Variants in CSMD1 observed in about 807,000 individuals in gnomAD.
The protein encoded by CSMD1 is CUB and Sushi multiple domains 1.
Under a neutral mutation model 417.5 loss-of-function variants are expected in CSMD1, and 213 were observed. That is an observed-to-expected ratio of 0.51 (90% CI 0.46 to 0.57). The LOEUF (loss-of-function observed/expected upper bound fraction) is 0.57. Among genes scored for constraint, CSMD1 ranks in the 20% least tolerant of loss-of-function variants. The pLI, the probability that CSMD1 is intolerant of heterozygous loss-of-function variation, is 0.00. For synonymous variants in CSMD1, 2,862 were observed against 1,736.8 expected (o/e 1.65, Z -16.11); for missense variants, 6,923 against 4,529.7 (o/e 1.53, Z -15.17).
intron 3 of CSMD1, among the ~76,000 whole-genome samples, chr8:4,109,937 T>A (rs1801764620): frequency 6.6e-6 from 1 of 152,148 alleles, no homozygotes; most frequent in South Asian, 2.1e-4. Flanking sequence ...AATAAGATCA[T>A]GACAATTTGG....
intron 47 of CSMD1, among the ~76,000 whole-genome samples, chr8:3,094,184 C>A (rs1477362823): frequency 6.6e-6 from 1 of 151,958 alleles, no homozygotes; most frequent in Non-Finnish European, 1.5e-5. Context: ...CGGCTCTCTG[C>A]AACCTTTGCC....
chr8:3,308,362 C>G lies in CSMD1; in HGVS notation c.3773G>C (p.Cys1258Ser). Residue 1258 changes from cysteine (C) to serine (S), a missense_variant, in exon 24 of 70, where the codon TGT (cysteine) becomes TCT (serine). Physicochemically the swap from Cys to Ser is moderately radical, Grantham distance 112 (BLOSUM62 -1). Transcript: ENST00000635120. ...YAMHGSNTLT[C>S]LSGDRRVWDK... ...CCACACTCTCCTGTCTCCACTCAAA[C>G]AGGTCAGGGTGTTGCTGCCATGCAT... 1 of 1,613,602 alleles carries G rather than the reference C, an allele frequency of 6.2e-7. No individual in the cohort carries two copies. Among genetic ancestry groups the G allele is most frequent in the Non-Finnish European group, 8.5e-7 (1 of 1,179,652 alleles).
At chr8:4,592,022 G>A (rs1000743634) in intron 2 of CSMD1, among the ~76,000 whole-genome samples, 2 of 152,130 alleles carry the variant, frequency 1.3e-5, no homozygotes, top group Non-Finnish European at 2.9e-5. Context: ...GCCAGGATGG[G>A]ACCAGTGAAT....
At chr8:4,332,794 G>C (rs1344654913) in intron 3 of CSMD1, among the ~76,000 whole-genome samples, 1 of 151,992 alleles carries the variant, frequency 6.6e-6, no homozygotes, top group Non-Finnish European at 1.5e-5. Flanking sequence ...AAATAGTTAT[G>C]TGTGGAGACA....
At chr8:3,947,895 TA>T (rs1325321440) in intron 5 of CSMD1, among the ~76,000 whole-genome samples, 1 of 152,096 alleles carries the variant, frequency 6.6e-6, no homozygotes, top group Non-Finnish European at 1.5e-5. Flanking sequence ...TTCTATTAGT[TA>T]AAAGTCCTGT....
intron 5 of CSMD1, among the ~76,000 whole-genome samples, chr8:3,844,023 G>C: frequency 6.6e-6 from 1 of 152,148 alleles, no homozygotes; most frequent in South Asian, 2.1e-4. Context: ...TGTAGTCATT[G>C]TTATTACAAT....
chr8:4,216,041 A>C (rs1243794935), intron 3 of CSMD1, among the ~76,000 whole-genome samples: 1 of 152,156 alleles, frequency 6.6e-6, no homozygotes, highest in Non-Finnish European at 1.5e-5. Context: ...TGACAGCTGC[A>C]CACCCACGCC....
chr8:4,395,302 C>T (rs543429783), intron 3 of CSMD1, among the ~76,000 whole-genome samples: 2 of 152,224 alleles, frequency 1.3e-5, no homozygotes, highest in Non-Finnish European at 2.9e-5. Context: ...GCTAATTCTT[C>T]ATAACTTCAG....
intron 19 of CSMD1, among the ~76,000 whole-genome samples, chr8:3,367,801 T>C (rs1159216786): frequency 3.3e-5 from 5 of 152,208 alleles, no homozygotes; most frequent in Admixed American, 3.3e-4. Flanking sequence ...GGCATAGATA[T>C]GTATATTTAA....
chr8:3,345,709 G>A (rs984894130), intron 22 of CSMD1, among the ~76,000 whole-genome samples: 1 of 152,154 alleles, frequency 6.6e-6, no homozygotes, highest in Non-Finnish European at 1.5e-5. Context: ...ACCCTCCTCA[G>A]AGTTCAGCAT....
chr8:3,369,720 A>C (rs940234094), intron 18 of CSMD1, among the ~76,000 whole-genome samples: 9 of 152,224 alleles, frequency 5.9e-5, no homozygotes, highest in Non-Finnish European at 8.8e-5. Flanking sequence ...AAATCCCCTC[A>C]ACAAACCATG....
intron 1 of CSMD1, among the ~76,000 whole-genome samples, chr8:4,897,748 G>A (rs1024505305): frequency 1.3e-5 from 2 of 151,980 alleles, no homozygotes; most frequent in African/African-American, 4.8e-5. Flanking sequence ...CTCATCAACT[G>A]TTACTGCATT....
chr8:4,263,888 A>AT (rs1423468894), intron 3 of CSMD1, among the ~76,000 whole-genome samples: 4 of 152,220 alleles, frequency 2.6e-5, no homozygotes, highest in African/African-American at 9.6e-5. Context: ...GCTCAGAACA[A>AT]TTATAGACAC....
At chr8:3,524,338 CAT>C (rs1159266603) in intron 10 of CSMD1, among the ~76,000 whole-genome samples, 2 of 151,848 alleles carry the variant, frequency 1.3e-5, no homozygotes, top group Non-Finnish European at 2.9e-5. Flanking sequence ...TGCACACACA[CAT>C]GCACACCCAG....
chr8:4,949,809 A>T (rs1332620386), intron 1 of CSMD1, among the ~76,000 whole-genome samples: 1 of 152,228 alleles, frequency 6.6e-6, no homozygotes, highest in African/African-American at 2.4e-5. Context: ...TCGAAGCAAT[A>T]TTGAGCATAT....
intron 1 of CSMD1, among the ~76,000 whole-genome samples, chr8:4,831,991 G>A (rs571950829): frequency 1.3e-5 from 2 of 152,278 alleles, no homozygotes; most frequent in East Asian, 3.9e-4. Context: ...AATTCCCACT[G>A]CACACATAGT....
chr8:3,442,000 T>C (rs1815016737), intron 12 of CSMD1, among the ~76,000 whole-genome samples: 1 of 151,934 alleles, frequency 6.6e-6, no homozygotes, highest in South Asian at 2.1e-4. Flanking sequence ...AGACAGTGTG[T>C]AGGCCTAAGC....
chr8:3,753,282 T>C (rs1235877955), intron 6 of CSMD1, among the ~76,000 whole-genome samples: 5 of 152,226 alleles, frequency 3.3e-5, no homozygotes, highest in African/African-American at 1.2e-4. Flanking sequence ...CTTAATAAAC[T>C]GAATAGTTTT....
intron 7 of CSMD1, among the ~76,000 whole-genome samples, chr8:3,629,546 T>A (rs904097966): frequency 6.6e-6 from 1 of 152,216 alleles, no homozygotes; most frequent in African/African-American, 2.4e-5. Flanking sequence ...CATCTTTTTC[T>A]CCTGTAAACA....
Sources: allele counts gnomAD v4.1 joint callset (sites outside exome capture counted in the v4.1 genomes callset), GRCh38; gene constraint gnomAD v4.1.1; transcripts MANE v1.5; gene names NCBI Gene and HGNC (gene_info 2026-07-23, HGNC 2026-07-21).